Variants in BDP1 observed in about 807,000 individuals in gnomAD.
BDP1 encodes the protein BDP1 general transcription factor IIIB subunit, also known as transcription factor TFIIIB component B'' homolog.
BDP1 carries 169 observed loss-of-function variants against 266.6 expected under a neutral mutation model. That is an observed-to-expected ratio of 0.63 (90% CI 0.56 to 0.72). The LOEUF (loss-of-function observed/expected upper bound fraction) is 0.72. BDP1 is among the 30% of genes least tolerant of loss of function. The probability of loss-of-function intolerance (pLI) is 0.00; values close to 1 mark genes in which losing one functional copy is unlikely to be tolerated. For missense variants in BDP1, 3,015 were observed against 3,053.8 expected, an observed-to-expected ratio of 0.99 and a Z score of 0.30; for synonymous variants, 1,090 against 1,022.4, an observed-to-expected ratio of 1.07 and a Z score of -1.26.
At chr5:71,466,262 GAACA>G in intron 5 of BDP1, 41 bp downstream of exon 5, 1 of 1,609,632 alleles carries the variant, frequency 6.2e-7, no homozygotes. Context: ...GGTTACATGA[GAACA>G]AACATGCTTT....
At chr5:71,575,512 G>A in the BDP1 span, among the ~76,000 whole-genome samples, 2 of 152,228 alleles carry the variant, frequency 1.3e-5, no homozygotes, top group African/African-American at 4.8e-5. Context: ...AAGTCCAGAA[G>A]TTGGTGACTG....
At chr5:71,557,551 A>G (rs554180441) in intron 36 of BDP1, among the ~76,000 whole-genome samples, 1 of 151,714 alleles carries the variant, frequency 6.6e-6, no homozygotes, top group Non-Finnish European at 1.5e-5. Context: ...CGCCCAGCTA[A>G]TTTTTTGTAT....
chr5:71,514,986 G>C lies in BDP1; in HGVS notation c.4513G>C (p.Gly1505Arg). ...GATATCAAGAGAAAAAGACACATTA[G>C]GTCACAGGAATGAGGAGGCTGTGAT... is the stretch of plus-strand genomic sequence containing the variant. ...LMISREKDTL[G>R]HRNEEAVILP... is the part of the protein sequence containing the mutation. Residue 1505 changes from glycine to arginine, a missense_variant, in exon 20 of 39, where the codon GGT becomes CGT. This residue lies in a region of BDP1 where 2,383 missense variants were observed against 2,404.9 expected (regional missense o/e 0.99). Coordinates refer to ENST00000358731, the MANE Select transcript of BDP1 (RefSeq NM_018429.3). The C allele has an allele frequency of 6.2e-7, 1 of 1,611,436 alleles. No homozygotes were observed. The highest frequency in any genetic ancestry group is 1.3e-5 in the African/African-American group (1 of 74,818).
intron 7 of BDP1, among the ~76,000 whole-genome samples, chr5:71,471,659 G>T (rs2150367552): frequency 6.6e-6 from 1 of 152,194 alleles, no homozygotes; most frequent in East Asian, 1.9e-4. Context: ...TAGTTTCTTT[G>T]CTTGAGAAAC....
chr5:71,496,814 C>T (rs907178020), intron 12 of BDP1, among the ~76,000 whole-genome samples: 1 of 152,138 alleles, frequency 6.6e-6, no homozygotes, highest in African/African-American at 2.4e-5. Flanking sequence ...AACTCCTGAC[C>T]TCAGGTGATC....
intron 25 of BDP1, 137 bp downstream of exon 25, chr5:71,524,460 T>C (rs1765667221): frequency 1.0e-6 from 1 of 988,192 alleles, no homozygotes; most frequent in Non-Finnish European, 1.4e-6. Flanking sequence ...CTCTACCAAA[T>C]ATAATTTGGG....
At chr5:71,534,739 TC>T (rs1766482503) in intron 26 of BDP1, among the ~76,000 whole-genome samples, 1 of 152,134 alleles carries the variant, frequency 6.6e-6, no homozygotes, top group African/African-American at 2.4e-5. Context: ...TCTCCCTGGT[TC>T]AAGCAATTCT....
At chr5:71,561,859 C>T (rs551711014) in intron 37 of BDP1, among the ~76,000 whole-genome samples, 3 of 152,252 alleles carry the variant, frequency 2.0e-5, no homozygotes, top group South Asian at 2.1e-4. Flanking sequence ...TTCTAGAGAC[C>T]GGGGTCCTGC....
Position 71,564,898 on chromosome 5 carries a change from T to G in BDP1, c.*13T>G, listed in dbSNP as rs201063544. The G allele has an allele frequency of 2.0e-5, 32 of 1,575,470 alleles. No individual in the cohort carries two copies. In the African/African-American group the frequency reaches 4.0e-4, roughly 20 times the overall value. On this transcript the variant is annotated 3_prime_UTR_variant, in exon 39 of 39. Transcript: ENST00000358731. Reference sequence around the variant, plus strand: ...TGAAACAGAATAAAACAATCTTTTCTCTTTTTCTTTTTTAAATTAGGTCTA... The same window carrying G: ...TGAAACAGAATAAAACAATCTTTTCGCTTTTTCTTTTTTAAATTAGGTCTA...
At chr5:71,518,598 A>C (rs1405620627) in intron 22 of BDP1, among the ~76,000 whole-genome samples, 1 of 152,004 alleles carries the variant, frequency 6.6e-6, no homozygotes, top group Non-Finnish European at 1.5e-5. Flanking sequence ...CCACAGGTGC[A>C]CACCATCATG....
downstream of BDP1, among the ~76,000 whole-genome samples, chr5:71,568,432 G>C (rs1744151177): frequency 6.6e-6 from 1 of 152,162 alleles, no homozygotes; most frequent in Admixed American, 6.5e-5. Flanking sequence ...TGTCTTCATG[G>C]TGACCAGTGC....
At chr5:71,508,378 A>C (rs1209282070) in intron 16 of BDP1, among the ~76,000 whole-genome samples, 1 of 152,060 alleles carries the variant, frequency 6.6e-6, no homozygotes, top group Non-Finnish European at 1.5e-5. Flanking sequence ...ATCATGGCTT[A>C]CTGCAGCCTC....
At chr5:71,487,886 C>T (rs1467977278) in intron 9 of BDP1, among the ~76,000 whole-genome samples, 1 of 152,180 alleles carries the variant, frequency 6.6e-6, no homozygotes, top group South Asian at 2.1e-4. Context: ...CAAGGGCCAA[C>T]CTTATAAGAA....
the BDP1 span, among the ~76,000 whole-genome samples, chr5:71,575,043 C>T: frequency 6.6e-6 from 1 of 152,180 alleles, no homozygotes; most frequent in African/African-American, 2.4e-5. Flanking sequence ...GAGATTTTAC[C>T]TTGTCTTGGT....
At chr5:71,508,696 CTT>C in intron 16 of BDP1, among the ~76,000 whole-genome samples, 2 of 152,234 alleles carry the variant, frequency 1.3e-5, no homozygotes, top group Middle Eastern at 6.8e-3. Flanking sequence ...ATATTAATAA[CTT>C]TTCCTAACCA....
chr5:71,513,483 C>G (rs1765053463), intron 19 of BDP1, 76 bp downstream of exon 19: 1 of 840,692 alleles, frequency 1.2e-6, no homozygotes, highest in African/African-American at 1.8e-5. Flanking sequence ...CTAAAAGCAC[C>G]TGGCATTAAA....
chr5:71,510,873 G>A lies in BDP1; in HGVS notation c.3781G>A (p.Asp1261Asn). ...EIDLKETGKR[D>N]IPIMEKVSGK... ...TGATTTGAAAGAAACTGGAAAAAGA[G>A]ACATTCCCATCATGGAGAAAGTATC... Residue 1261 changes from aspartate to asparagine, a missense_variant, in exon 17 of 39, where the codon GAC (aspartate) becomes AAC (asparagine). Coordinates refer to ENST00000358731, the MANE Select transcript of BDP1 (RefSeq NM_018429.3). The A allele has an allele frequency of 6.2e-7, 1 of 1,613,694 alleles. No homozygotes were observed. Among genetic ancestry groups the A allele is most frequent in the Non-Finnish European group, 8.5e-7 (1 of 1,179,736 alleles).
Position 71,456,090 on chromosome 5 carries a change from G to T in BDP1, c.212+1G>T. 1.9e-6 allele frequency: 3 copies of T among 1,611,468 alleles called. No individual in the cohort carries two copies. The highest frequency in any genetic ancestry group is 1.7e-6 in the Non-Finnish European group (2 of 1,179,396). On this transcript the variant is annotated splice_donor_variant, in intron 1 of 38. Transcript: ENST00000358731. LOFTEE classifies it high-confidence loss of function. ...CCCAAGAAAAGGCTCCTAGGAGCAGGTAAGAGGTTGCAGAGGGAAGAATTT... is the reference window on the plus strand; with the variant it reads ...CCCAAGAAAAGGCTCCTAGGAGCAGTTAAGAGGTTGCAGAGGGAAGAATTT...
intron 22 of BDP1, among the ~76,000 whole-genome samples, chr5:71,521,142 G>T (rs1404372363): frequency 1.4e-5 from 2 of 146,816 alleles, no homozygotes; most frequent in South Asian, 2.2e-4. Context: ...AGCCGAGATC[G>T]CACCATTGCA....
Sources: allele counts gnomAD v4.1 joint callset (sites outside exome capture counted in the v4.1 genomes callset), GRCh38; gene constraint gnomAD v4.1.1; regional missense constraint gnomAD v4.1.1; transcripts MANE v1.5; gene names NCBI Gene and HGNC (gene_info 2026-07-23, HGNC 2026-07-21).